Variants in PIGN observed in about 807,000 individuals in gnomAD.
The protein encoded by PIGN is GPI ethanolamine phosphate transferase 1.
In PIGN, 117 loss-of-function variants were observed where a neutral mutation model predicts 125.4. The ratio of observed to expected loss-of-function variants is 0.93; its 90% CI spans 0.80 to 1.09. The LOEUF (loss-of-function observed/expected upper bound fraction) is 1.09. Ranked by LOEUF, PIGN falls within the 50% of genes least tolerant of loss-of-function variation. PIGN has a pLI of 0.00. For missense variants in PIGN, 1,075 were observed against 1,094.9 expected (o/e 0.98, Z 0.26); for synonymous variants, 392 against 377.8 (o/e 1.04, Z -0.44).
chr18:62,151,665 G>A (rs1207510016), intron 7 of PIGN, among the ~76,000 whole-genome samples: 1 of 152,144 alleles, frequency 6.6e-6, no homozygotes, highest in East Asian at 1.9e-4. Flanking sequence ...ACTCTTCTAG[G>A]CATACTTTCC....
intron 1 of PIGN, among the ~76,000 whole-genome samples, chr18:62,183,030 C>T (rs1897894748): frequency 6.6e-6 from 1 of 152,278 alleles, no homozygotes; most frequent in East Asian, 1.9e-4. Context: ...CTCTGTTGTA[C>T]AGCATGGTGA....
intron 30 of PIGN, among the ~76,000 whole-genome samples, chr18:62,059,546 T>C (rs2031987131): frequency 6.6e-6 from 1 of 152,330 alleles, no homozygotes; most frequent in East Asian, 1.9e-4. Flanking sequence ...AGAAGTTAGA[T>C]GAAAAAAACT....
At chr18:62,019,372 A>G (rs772074668) in intron 23 of PIGN, among the ~76,000 whole-genome samples, 4 of 152,216 alleles carry the variant, frequency 2.6e-5, no homozygotes, top group Non-Finnish European at 4.4e-5. Context: ...CGTTAGTTAC[A>G]TTAGCATGTT....
rs191437218 is a variant in PIGN at position 62,147,453 on chromosome 18, G to C, written c.675-352C>G. Among the ~76,000 whole-genome samples, 8 of 152,234 alleles carry C rather than the reference G, an allele frequency of 5.3e-5. No homozygotes were observed. The East Asian group carries it at 1.2e-3, about 22-fold the overall frequency. Reference sequence around the variant, plus strand: ...CATTACAAGTATCATTTCAAGTATAGAATATTTTCATTCCCTAAAGTGCTT... The same window carrying C: ...CATTACAAGTATCATTTCAAGTATACAATATTTTCATTCCCTAAAGTGCTT... On this transcript the variant is annotated intron_variant, in intron 8 of 30. Transcript: ENST00000640252.
chr18:62,071,063 C>T (rs142768766), intron 30 of PIGN, among the ~76,000 whole-genome samples: 3,963 of 152,240 alleles, frequency 0.026, 169 homozygotes, highest in African/African-American at 0.09. Context: ...CCCACCTCGG[C>T]CTCCCAAAGT....
chr18:62,133,344 C>T (rs938888371), intron 14 of PIGN, among the ~76,000 whole-genome samples: 6 of 152,170 alleles, frequency 3.9e-5, no homozygotes, highest in Admixed American at 3.9e-4. Flanking sequence ...TCCACTAAAT[C>T]TATATGTTTG....
chr18:62,080,067 A>G (rs1047241413), intron 28 of PIGN, among the ~76,000 whole-genome samples: 12 of 152,284 alleles, frequency 7.9e-5, no homozygotes, highest in South Asian at 6.2e-4. Context: ...TTTCACTTCA[A>G]TTAATAGAGG....
rs11437076 is a variant in PIGN, at chr18:62,072,729, T to TAAAA, written c.2620-8_2620-5dup. The TAAAA allele has an allele frequency of 4.8e-5, 68 of 1,425,396 alleles. No homozygotes were observed. The highest frequency in any genetic ancestry group is 7.1e-5 in the Admixed American group (3 of 41,994). 88.3% of individuals were successfully genotyped at this position (1,425,396 alleles called of 1,614,324 possible). A position where few individuals can be genotyped will look rare whatever the true frequency, so the allele number is the denominator to read the frequency against. ...CCTTGACCAAGAAGAAAAAATGCTG[T>TAAAA]AAAAAAAAAAAAAGGCTTAATGAAA... On this transcript the variant is annotated splice_polypyrimidine_tract_variant and splice_region_variant and intron_variant, in intron 29 of 30. Coordinates refer to ENST00000640252, the MANE Select transcript of PIGN (RefSeq NM_176787.5).
chr18:62,168,157 C>A (rs1175298754), intron 1 of PIGN, among the ~76,000 whole-genome samples: 2 of 151,774 alleles, frequency 1.3e-5, no homozygotes, highest in Non-Finnish European at 2.9e-5. Flanking sequence ...GCACTCTAGC[C>A]TGGACAACAA....
intron 1 of PIGN, chr18:62,174,555 A>C (rs903421278): frequency 3.3e-5 from 5 of 152,232 alleles, no homozygotes; most frequent in Admixed American, 3.3e-4. Context: ...TTTAATATGC[A>C]GCAGTAAAAA....
At chr18:62,027,921 A>AAAAG (rs754135730) in intron 23 of PIGN, among the ~76,000 whole-genome samples, 22 of 152,100 alleles carry the variant, frequency 1.4e-4, no homozygotes, top group Admixed American at 6.5e-5. Flanking sequence ...AAAAAAGAAA[A>AAAAG]AAAGAAAGAA....
intron 1 of PIGN, among the ~76,000 whole-genome samples, chr18:62,183,827 A>T (rs1352212432): frequency 6.7e-6 from 1 of 148,874 alleles, no homozygotes; most frequent in Non-Finnish European, 1.5e-5. Flanking sequence ...ACAAGATGTG[A>T]AGACTGAAAA....
Position 62,125,187 on chromosome 18 carries a change from C to CGTTTGTACATATGTGTATATATACAT in PIGN, c.1173-10549_1173-10548insATGTATATATACACATATGTACAAAC, listed in dbSNP as rs1568203264. 3.0e-4 allele frequency among the ~76,000 whole-genome samples: 39 copies of CGTTTGTACATATGTGTATATATACAT among 131,662 alleles called. 6 individuals carry two copies. Among genetic ancestry groups the CGTTTGTACATATGTGTATATATACAT allele is most frequent in the African/African-American group, 1.0e-3 (36 of 34,908 alleles). 86.4% of individuals were successfully genotyped at this position (131,662 alleles called of 152,430 possible). On this transcript the variant is annotated intron_variant, in intron 14 of 30. Coordinates refer to ENST00000640252, the MANE Select transcript of PIGN (RefSeq NM_176787.5). ...GTACATATGTGTATATAAATATACA[C>CGTTTGTACATATGTGTATATATACAT]GTTTGTACATATGTGTATATAAATA...
chr18:62,096,993 C>G (rs527901353), intron 22 of PIGN, among the ~76,000 whole-genome samples: 1 of 151,758 alleles, frequency 6.6e-6, no homozygotes, highest in African/African-American at 2.4e-5. Context: ...AATAAACATA[C>G]GTGTGCATGT....
chr18:62,157,073 C>A, intron 6 of PIGN, 56 bp downstream of exon 6: 1 of 733,110 alleles, frequency 1.4e-6, no homozygotes, highest in South Asian at 2.6e-5. Context: ...TAGAAAACTA[C>A]CATATTGACT....
chr18:62,155,524 G>A (rs1240807126), intron 6 of PIGN, among the ~76,000 whole-genome samples: 3 of 152,146 alleles, frequency 2.0e-5, no homozygotes, highest in Non-Finnish European at 2.9e-5. Flanking sequence ...AGCTGAGATC[G>A]TGCCACTGCA....
intron 28 of PIGN, among the ~76,000 whole-genome samples, chr18:62,077,953 T>C (rs922794688): frequency 1.6e-4 from 25 of 152,346 alleles, no homozygotes; most frequent in African/African-American, 5.5e-4. Flanking sequence ...ACATGTTATC[T>C]CTTCTGTGTT....
intron 30 of PIGN, among the ~76,000 whole-genome samples, chr18:62,071,482 C>T (rs2032841250): frequency 6.6e-6 from 1 of 152,128 alleles, no homozygotes; most frequent in African/African-American, 2.4e-5. Context: ...GCGCTTACCT[C>T]AAAATCATAT....
chr18:62,173,843 C>T (rs1177645196), intron 1 of PIGN, among the ~76,000 whole-genome samples: 5 of 152,196 alleles, frequency 3.3e-5, no homozygotes, highest in Non-Finnish European at 7.3e-5. Context: ...TCCCTTCATC[C>T]TTTCCAATTG....
Sources: allele counts gnomAD v4.1 joint callset (sites outside exome capture counted in the v4.1 genomes callset), GRCh38; gene constraint gnomAD v4.1.1; transcripts MANE v1.5; gene names NCBI Gene and HGNC (gene_info 2026-07-23, HGNC 2026-07-21).